The following LIPF variants were observed in gnomAD, a reference collection of about 807,000 sequenced individuals.
LIPF encodes the protein lipase F, gastric type, also known as gastric triacylglycerol lipase.
Under a neutral mutation model 38.0 loss-of-function variants are expected in LIPF, and 25 were observed. The ratio of observed to expected loss-of-function variants is 0.66; its 90% CI spans 0.48 to 0.92. LIPF has a LOEUF of 0.92. LIPF is among the 40% of genes least tolerant of loss of function. The pLI, the probability that LIPF is intolerant of heterozygous loss-of-function variation, is 0.00. For missense variants in LIPF, 410 were observed against 469.9 expected (o/e 0.87, Z 1.18); for synonymous variants, 161 against 156.2 (o/e 1.03, Z -0.23).
intron 6 of LIPF, among the ~76,000 whole-genome samples, chr10:88,673,199 T>C (rs1415644259): frequency 6.6e-6 from 1 of 152,178 alleles, no homozygotes; most frequent in Non-Finnish European, 1.5e-5. Flanking sequence ...CAAGTCACCA[T>C]TTCTCCTCCC....
Position 88,672,923 on chromosome 10 carries a change from C to T in LIPF, c.670-665C>T, listed in dbSNP as rs1293785739. Among the ~76,000 whole-genome samples the T allele has an allele frequency of 2.0e-5, 3 of 152,110 alleles. No individual in the cohort carries two copies. The East Asian group carries it at 5.8e-4, about 29-fold the overall frequency. ...ATTGATTGAGAACTTATTTCCTACT[C>T]ATACTCAGATTTTCTGATAGGCAAT... On this transcript the variant is annotated intron_variant, in intron 6 of 9. Coordinates refer to ENST00000238983, the MANE Select transcript of LIPF (RefSeq NM_004190.4).
Position 88,669,983 on chromosome 10 carries a change from T to G in LIPF, c.532+37T>G, listed in dbSNP as rs373543375. On this transcript the variant is annotated intron_variant, in intron 5 of 9. Coordinates refer to ENST00000238983, the MANE Select transcript of LIPF (RefSeq NM_004190.4). The stretch of plus-strand genomic sequence containing the variant: ...CAGTCAAGGCCAAGTGGTTTACTTC[T>G]CATAAACACTTTCCCAGTGGTTATG... The G allele has an allele frequency of 3.8e-6, 5 of 1,327,962 alleles. No individual in the cohort carries two copies. In the African/African-American group the frequency reaches 7.2e-5, roughly 19 times the overall value. The allele number at this position is 1,327,962 out of a possible 1,614,324, so 82.3% of individuals were successfully genotyped here. A position where few individuals can be genotyped will look rare whatever the true frequency, so the allele number is the denominator to read the frequency against.
At position 88,678,470 on chromosome 10, in the gene LIPF, C is replaced by T. The variant is rs751600687; in HGVS notation, c.986C>T (p.Thr329Ile). ...TCCCAACCTCCCTACTACAATGTGA[C>T]AGCCATGAATGTACCAATTGCAGTG... ...DQSQPPYYNV[T>I]AMNVPIAVWN... Residue 329 changes from threonine to isoleucine, a missense_variant, in exon 10 of 10, where the codon ACA (threonine) becomes ATA (isoleucine). Coordinates refer to ENST00000238983, the MANE Select transcript of LIPF (RefSeq NM_004190.4). The T allele has an allele frequency of 6.2e-7, 1 of 1,613,880 alleles. No homozygotes were observed. The highest frequency in any genetic ancestry group is 8.5e-7 in the Non-Finnish European group (1 of 1,179,776).
intron 5 of LIPF, among the ~76,000 whole-genome samples, chr10:88,670,558 T>C (rs1286859410): frequency 2.0e-5 from 3 of 152,174 alleles, no homozygotes; most frequent in Non-Finnish European, 4.4e-5. Flanking sequence ...AGGCATCAGA[T>C]GTTCCAGGAA....
chr10:88,675,995 T>C (rs1362978821), intron 8 of LIPF, among the ~76,000 whole-genome samples: 2 of 152,126 alleles, frequency 1.3e-5, no homozygotes, highest in Admixed American at 6.6e-5. Context: ...GCAAATGCTT[T>C]TTATGACTTG....
At chr10:88,671,093 C>T (rs929367119) in intron 5 of LIPF, among the ~76,000 whole-genome samples, 3 of 152,146 alleles carry the variant, frequency 2.0e-5, no homozygotes, top group African/African-American at 7.2e-5. Flanking sequence ...AACTTGATAA[C>T]TACTTGATCA....
intron 5 of LIPF, among the ~76,000 whole-genome samples, chr10:88,671,532 A>T (rs551542225): frequency 7.2e-5 from 11 of 152,290 alleles, no homozygotes; most frequent in Middle Eastern, 3.4e-3. Flanking sequence ...AGAAATTCAT[A>T]AAAAAATTTT....
intron 4 of LIPF, 78 bp from the exon 5 acceptor site, chr10:88,669,759 C>A: frequency 3.1e-6 from 3 of 975,756 alleles, no homozygotes; most frequent in Non-Finnish European, 4.8e-6. Flanking sequence ...CCAAAGGGAT[C>A]ATTAGCTATA....
Position 88,668,741 on chromosome 10 carries a change from A to G in LIPF, c.407A>G (p.Glu136Gly), listed in dbSNP as rs778085450. ...TTGTACTATTCACCAGATTCAGTTG[A>G]ATTCTGGGCTTTCAGGTAAACAAAA... ...RNLYYSPDSV[E>G]FWAFSFDEMA... The change falls in exon 4 of 10, where the codon GAA becomes GGA. Residue 136 changes from glutamate (E) to glycine (G), a missense_variant. Physicochemically the swap from Glu to Gly is moderately conservative, Grantham distance 98 (BLOSUM62 -2). Coordinates refer to ENST00000238983, the MANE Select transcript of LIPF (RefSeq NM_004190.4). 6.2e-7 allele frequency: 1 copy of G among 1,613,788 alleles called. No individual in the cohort carries two copies. Among genetic ancestry groups the G allele is most frequent in the South Asian group, 1.1e-5 (1 of 91,036 alleles).
In LIPF at chr10:88,672,670, A is replaced by ACACACTCTCT. The variant is rs869259093; in HGVS notation, c.669+706_669+707insACACTCTCTC. 6.5e-3 allele frequency among the ~76,000 whole-genome samples: 716 copies of ACACACTCTCT among 110,508 alleles called. 9 individuals carry two copies. The highest frequency in any genetic ancestry group is 0.022 in the African/African-American group (633 of 29,392). The allele number at this position is 110,508 out of a possible 152,430, so 72.5% of individuals were successfully genotyped here. On this transcript the variant is annotated intron_variant, in intron 6 of 9. Transcript: ENST00000238983. ...CACACACACACACACACACACACAC[A>ACACACTCTCT]CTCTCTCTCTCTCTCTCTCTCTTTC...
At position 88,671,878 on chromosome 10, in the gene LIPF, C is replaced by T. The variant is rs755553992; in HGVS notation, c.582C>T (p.Thr194=). Residue 194 remains threonine, a synonymous_variant, in exon 6 of 10, where the codon ACC becomes ACT. Transcript: ENST00000238983. The stretch of plus-strand genomic sequence containing the variant: ...CCAGCCTGGCTAAAAGAATCAAAAC[C>T]TTCTATGCTCTAGCTCCTGTTGCCA... ...TNPSLAKRIK[T]FYALAPVATV... 3 of 1,613,414 alleles carry T rather than the reference C, an allele frequency of 1.9e-6. No individual in the cohort carries two copies. Among genetic ancestry groups the T allele is most frequent in the Non-Finnish European group, 2.5e-6 (3 of 1,179,652 alleles).
rs1244698150 is a variant in LIPF at position 88,673,680 on chromosome 10, T to C, written c.762T>C (p.Leu254=). The change falls in exon 7 of 10, where the codon CTT becomes CTC. Residue 254 remains leucine, a synonymous_variant. Transcript: ENST00000238983. ...GCTCCCGTGAGATGCTGAATCTCCT[T>C]TGCAGCAATGCCTTATTTATAATTT... ...EVCSREMLNL[L]CSNALFIICG... 6.2e-7 allele frequency: 1 copy of C among 1,612,540 alleles called. No homozygotes were observed. The highest frequency in any genetic ancestry group is 8.5e-7 in the Non-Finnish European group (1 of 1,178,640).
Position 88,668,700 on chromosome 10 carries a change from C to G in LIPF, c.366C>G (p.Thr122=). 6.2e-7 allele frequency: 1 copy of G among 1,614,110 alleles called. No homozygotes were observed. The highest frequency in any genetic ancestry group is 8.5e-7 in the Non-Finnish European group (1 of 1,179,996). The part of the protein sequence containing the change: ...DVWLGNSRGN[T]WARRNLYYSP... ...GGCTGGGCAACAGCAGAGGAAACAC[C>G]TGGGCCAGAAGAAACTTGTACTATT... The change falls in exon 4 of 10, where the codon ACC becomes ACG. Residue 122 remains threonine (T), a synonymous_variant. Coordinates refer to ENST00000238983, the MANE Select transcript of LIPF (RefSeq NM_004190.4).
chr10:88,669,895 A>G lies in LIPF; in HGVS notation c.481A>G (p.Thr161Ala), dbSNP rs814628. The G allele has an allele frequency of 0.17, 275,675 of 1,611,740 alleles. 25,364 individuals are homozygous for G. Among genetic ancestry groups the G allele is most frequent in the East Asian group, 0.32 (14,172 of 44,804 alleles). Residue 161 changes from threonine to alanine, a missense_variant, in exon 5 of 10, where the codon ACT becomes GCT. Thr to Ala is a moderately conservative substitution (Grantham distance 58). Coordinates refer to ENST00000238983, the MANE Select transcript of LIPF (RefSeq NM_004190.4). The part of the protein sequence containing the change: ...PATIDFIVKK[T>A]GQKQLHYVGH... ...CACAATCGACTTCATTGTAAAGAAA[A>G]CTGGACAGAAGCAGCTACACTATGT...
intron 1 of LIPF, chr10:88,665,346 A>G (rs1313123867): frequency 1.4e-5 from 7 of 518,162 alleles, no homozygotes; most frequent in African/African-American, 9.4e-5. Flanking sequence ...AGAGAAATGT[A>G]CTATTACAGG....
rs1263308899 is a variant in LIPF at position 88,673,594 on chromosome 10, T to A, written c.676T>A (p.Phe226Ile). Residue 226 changes from phenylalanine (F) to isoleucine (I), a missense_variant, in exon 7 of 10, where the codon TTT (phenylalanine) becomes ATT (isoleucine). By Grantham distance (21) the Phe-to-Ile change is conservative. Transcript: ENST00000238983. ...FVPQSLFKFI[F>I]GDKIFYPHNF... ...TAGTGCCTTTATTTTTCAGTTTATA[T>A]TTGGTGACAAAATATTCTACCCACA... 6.2e-7 allele frequency: 1 copy of A among 1,609,222 alleles called. No homozygotes were observed. The highest frequency in any genetic ancestry group is 8.5e-7 in the Non-Finnish European group (1 of 1,177,658).
At chr10:88,675,288 T>C (rs543733717) in intron 7 of LIPF, among the ~76,000 whole-genome samples, 2 of 152,324 alleles carry the variant, frequency 1.3e-5, no homozygotes, top group South Asian at 4.1e-4. Flanking sequence ...AAAGTATCTG[T>C]CTCCATTCTG....
intron 5 of LIPF, among the ~76,000 whole-genome samples, chr10:88,670,605 C>CTTCAGA (rs1841580857): frequency 1.3e-5 from 2 of 152,110 alleles, no homozygotes; most frequent in Non-Finnish European, 2.9e-5. Flanking sequence ...GAAGCTGGAG[C>CTTCAGA]ACACCTAGTT....
intron 1 of LIPF, chr10:88,665,397 T>G (rs1210452596): frequency 1.5e-6 from 1 of 649,782 alleles, no homozygotes; most frequent in Non-Finnish European, 2.8e-6. Flanking sequence ...GCAAGATAGT[T>G]CATTTCACGT....
Sources: gnomAD v4.1 joint callset for allele counts (sites outside exome capture counted in the v4.1 genomes callset) on GRCh38, gnomAD v4.1.1 for gene constraint, MANE v1.5 for transcripts, NCBI Gene and HGNC (gene_info 2026-07-23, HGNC 2026-07-21) for gene names.